Variants in FOXK1 observed in about 807,000 individuals in gnomAD.
FOXK1 encodes the protein forkhead box protein K1.
FOXK1 carries 19 observed loss-of-function variants against 51.9 expected under a neutral mutation model. The observed-to-expected ratio is 0.37, with a 90% CI of 0.26 to 0.54. The LOEUF (loss-of-function observed/expected upper bound fraction) is 0.54. Among genes scored for constraint, FOXK1 ranks in the 20% least tolerant of loss-of-function variants. The pLI, the probability that FOXK1 is intolerant of heterozygous loss-of-function variation, is 0.87. For synonymous variants in FOXK1, 537 were observed against 482.6 expected, an observed-to-expected ratio of 1.11 and a Z score of -1.48; for missense variants, 870 against 1,032.7, an observed-to-expected ratio of 0.84 and a Z score of 2.16.
chr7:4,713,435 G>A (rs538363273), intron 1 of FOXK1, among the ~76,000 whole-genome samples: 377 of 152,228 alleles, frequency 2.5e-3, no homozygotes, highest in African/African-American at 9.0e-3. Flanking sequence ...TTCTGGGCCG[G>A]GAAAGCCCTG....
chr7:4,761,401 T>G lies in FOXK1; in HGVS notation c.1921+113T>G. On this transcript the variant is annotated intron_variant, in intron 8 of 8. Coordinates refer to ENST00000328914, the MANE Select transcript of FOXK1 (RefSeq NM_001037165.2). This position sits in a 1 kb window ranked among gnomAD's most constrained non-coding sequence, Gnocchi z 6.2. ...CTCCCGATCCTCCACTCAGTTCAAT[T>G]TATTGAGCACCTGCTATACTCCAGG... 9.2e-7 allele frequency: 1 copy of G among 1,089,674 alleles called. No individual in the cohort carries two copies. The highest frequency in any genetic ancestry group is 1.3e-6 in the Non-Finnish European group (1 of 756,300). The allele number at this position is 1,089,674 out of a possible 1,614,324, so 67.5% of individuals were successfully genotyped here.
At chr7:4,746,060 T>A (rs1279576536) in intron 2 of FOXK1, among the ~76,000 whole-genome samples, 2 of 152,244 alleles carry the variant, frequency 1.3e-5, no homozygotes, top group East Asian at 3.8e-4. Flanking sequence ...TGACTGTTTT[T>A]GCTCATGAGG....
At chr7:4,688,107 T>C (rs375940986) in intron 1 of FOXK1, among the ~76,000 whole-genome samples, 1 of 152,204 alleles carries the variant, frequency 6.6e-6, no homozygotes, top group African/African-American at 2.4e-5. Flanking sequence ...CACATGGCTG[T>C]GGCCGGCTTC....
At chr7:4,752,797 T>G (rs1269031800) in intron 2 of FOXK1, among the ~76,000 whole-genome samples, 1 of 152,294 alleles carries the variant, frequency 6.6e-6, no homozygotes. Context: ...GGCCCCATTG[T>G]CTGCAGCCCC....
chr7:4,689,997 C>A (rs1440205675), intron 1 of FOXK1, among the ~76,000 whole-genome samples: 1 of 152,176 alleles, frequency 6.6e-6, no homozygotes, highest in Non-Finnish European at 1.5e-5. Context: ...CGTGAAAACT[C>A]AGGTGGTGCT....
chr7:4,708,897 T>C (rs1457739105), intron 1 of FOXK1, among the ~76,000 whole-genome samples: 2 of 151,980 alleles, frequency 1.3e-5, no homozygotes, highest in Non-Finnish European at 2.9e-5. Flanking sequence ...AGACCCCGTC[T>C]CTACTAAAAA....
chr7:4,704,748 G>T (rs1291760018), intron 1 of FOXK1, among the ~76,000 whole-genome samples: 1 of 151,286 alleles, frequency 6.6e-6, no homozygotes, highest in Non-Finnish European at 1.5e-5. Flanking sequence ...TGTTGTTTCT[G>T]TAGAGATAGA....
At position 4,728,203 on chromosome 7, in the gene FOXK1, C is replaced by T. The variant is rs554008741; in HGVS notation, c.561-12635C>T. Among the ~76,000 whole-genome samples, 5 of 152,300 alleles carry T rather than the reference C, an allele frequency of 3.3e-5. No individual in the cohort carries two copies. The South Asian group carries it at 6.2e-4, about 19-fold the overall frequency. Reference sequence around the variant, plus strand: ...ACACGACTCTTTCTTGCCTGCCAAACGTTCTCTGATTCTTTGGATCATCGA... The same window carrying T: ...ACACGACTCTTTCTTGCCTGCCAAATGTTCTCTGATTCTTTGGATCATCGA... On this transcript the variant is annotated intron_variant, in intron 1 of 8. Coordinates refer to ENST00000328914, the MANE Select transcript of FOXK1 (RefSeq NM_001037165.2).
rs1393278597 is a variant in FOXK1 at position 4,761,850 on chromosome 7, G to C, written c.1922-334G>C. Among the ~76,000 whole-genome samples, 2 of 152,114 alleles carry C rather than the reference G, an allele frequency of 1.3e-5. No homozygotes were observed. Among genetic ancestry groups the C allele is most frequent in the African/African-American group, 4.8e-5 (2 of 41,396 alleles). On this transcript the variant is annotated intron_variant, in intron 8 of 8. Coordinates refer to ENST00000328914, the MANE Select transcript of FOXK1 (RefSeq NM_001037165.2). This position sits in a 1 kb window ranked among gnomAD's most constrained non-coding sequence, Gnocchi z 6.2. ...TGCAAGGGTGCTGGGCGGGGGTGCA[G>C]GGTACCAGGGCACCGGGCGCATTGT...
intron 1 of FOXK1, among the ~76,000 whole-genome samples, chr7:4,712,698 C>T (rs1037441823): frequency 2.6e-5 from 4 of 152,146 alleles, no homozygotes; most frequent in Non-Finnish European, 5.9e-5. Flanking sequence ...GGTTTCCGAT[C>T]CTCTTACCTC....
At position 4,723,838 on chromosome 7, in the gene FOXK1, C is replaced by G. The variant is rs1562379348; in HGVS notation, c.561-17000C>G. Among the ~76,000 whole-genome samples, 1 of 152,066 alleles carries G rather than the reference C, an allele frequency of 6.6e-6. No homozygotes were observed. The highest frequency in any genetic ancestry group is 2.4e-5 in the African/African-American group (1 of 41,430). On this transcript the variant is annotated intron_variant, in intron 1 of 8. Coordinates refer to ENST00000328914, the MANE Select transcript of FOXK1 (RefSeq NM_001037165.2). The surrounding 1 kb of genome is among the most constrained non-coding windows in gnomAD (Gnocchi z 4.7). ...GTGCACCACCACACCTGGCTGACTT[C>G]TTTGTATTTTTGGTAAAGATGGGGA...
Position 4,731,962 on chromosome 7 carries a change from T to C in FOXK1, c.561-8876T>C, listed in dbSNP as rs1780483714. ...ACCTGAGGCCACACGGAGGCCGGGCTGGCCAGGGCGGGGCTCAGATTCAGT... is the reference window on the plus strand; with the variant it reads ...ACCTGAGGCCACACGGAGGCCGGGCCGGCCAGGGCGGGGCTCAGATTCAGT... On this transcript the variant is annotated intron_variant, in intron 1 of 8. Transcript: ENST00000328914. This position sits in a 1 kb window ranked among gnomAD's most constrained non-coding sequence, Gnocchi z 5.3. Among the ~76,000 whole-genome samples, 1 of 152,210 alleles carries C rather than the reference T, an allele frequency of 6.6e-6. No homozygotes were observed. The highest frequency in any genetic ancestry group is 2.4e-5 in the African/African-American group (1 of 41,462).
chr7:4,704,450 C>CAAAAAAA (rs3050383), intron 1 of FOXK1, among the ~76,000 whole-genome samples: 7 of 66,374 alleles, frequency 1.1e-4, no homozygotes, highest in Admixed American at 1.7e-4. Flanking sequence ...GACTCTGTCT[C>CAAAAAAA]AAAAAAAAAA....
chr7:4,699,508 C>T (rs970402995), intron 1 of FOXK1, among the ~76,000 whole-genome samples: 1 of 152,054 alleles, frequency 6.6e-6, no homozygotes, highest in Admixed American at 6.6e-5. Context: ...GCTGGGATTA[C>T]AGGTGCCCAC....
intron 1 of FOXK1, among the ~76,000 whole-genome samples, chr7:4,704,450 C>CAAAAAAAAAA (rs3050383): frequency 7.5e-5 from 5 of 66,386 alleles, no homozygotes; most frequent in Non-Finnish European, 9.3e-5. Context: ...GACTCTGTCT[C>CAAAAAAAAAA]AAAAAAAAAA....
At chr7:4,704,552 C>T (rs1050190913) in intron 1 of FOXK1, among the ~76,000 whole-genome samples, 2 of 151,670 alleles carry the variant, frequency 1.3e-5, no homozygotes, top group Non-Finnish European at 2.9e-5. Flanking sequence ...AAAGGATTAC[C>T]GGGTACTTTG....
At position 4,756,326 on chromosome 7, in the gene FOXK1, G is replaced by C. The variant is rs1780852599; in HGVS notation, c.1051-668G>C. On this transcript the variant is annotated intron_variant, in intron 4 of 8. Transcript: ENST00000328914. This position sits in a 1 kb window ranked among gnomAD's most constrained non-coding sequence, Gnocchi z 4.1. ...GATGGGGTTTCACCATGTTGCCCAG[G>C]CTGGTCTCAAACTCCTGACCTCAGG... Among the ~76,000 whole-genome samples the C allele has an allele frequency of 6.6e-6, 1 of 151,974 alleles. No homozygotes were observed. Among genetic ancestry groups the C allele is most frequent in the Non-Finnish European group, 1.5e-5 (1 of 67,990 alleles).
chr7:4,738,414 A>G (rs1267124176), intron 1 of FOXK1, among the ~76,000 whole-genome samples: 2 of 151,380 alleles, frequency 1.3e-5, no homozygotes, highest in Non-Finnish European at 2.9e-5. Context: ...TCCAGCCCGG[A>G]TGACAGAGCA....
chr7:4,760,677 C>A (rs545008685), intron 7 of FOXK1, among the ~76,000 whole-genome samples: 1 of 152,056 alleles, frequency 6.6e-6, no homozygotes, highest in Non-Finnish European at 1.5e-5. Context: ...ATGGTGAAAC[C>A]CCATCTCTAC....
Sources: gnomAD v4.1 joint callset for allele counts (sites outside exome capture counted in the v4.1 genomes callset) on GRCh38, gnomAD v4.1.1 for gene constraint, Gnocchi (gnomAD v3.1) non-coding constraint, MANE v1.5 for transcripts, NCBI Gene and HGNC (gene_info 2026-07-23, HGNC 2026-07-21) for gene names.